The following DIPK2A variants were observed in gnomAD, a reference collection of about 807,000 sequenced individuals.
DIPK2A encodes the protein Golgi Protein of 49 kDa.
In DIPK2A, 27 loss-of-function variants were observed where a neutral mutation model predicts 39.0. That is an observed-to-expected ratio of 0.69 (90% CI 0.51 to 0.96). The LOEUF (loss-of-function observed/expected upper bound fraction) is 0.96. Ranked by LOEUF, DIPK2A falls within the 40% of genes least tolerant of loss-of-function variation. DIPK2A has a pLI of 0.00. For synonymous variants in DIPK2A, 298 were observed against 240.8 expected (o/e 1.24, Z -2.20); for missense variants, 528 against 571.3 (o/e 0.92, Z 0.77).
intron 1 of DIPK2A, among the ~76,000 whole-genome samples, chr3:143,981,747 A>G (rs1038837874): frequency 2.0e-5 from 3 of 152,222 alleles, no homozygotes; most frequent in Non-Finnish European, 2.9e-5. Context: ...TTTAACTTCA[A>G]CAAAAGGATA....
rs1184296524 is a variant in DIPK2A at position 143,972,328 on chromosome 3, G to A, written c.-5G>A. The A allele has an allele frequency of 3.7e-6, 5 of 1,352,024 alleles. No homozygotes were observed. Among genetic ancestry groups the A allele is most frequent in the Admixed American group, 3.7e-5 (1 of 26,692 alleles). 83.8% of individuals were successfully genotyped at this position (1,352,024 alleles called of 1,614,324 possible). A position where few individuals can be genotyped will look rare whatever the true frequency, so the allele number is the denominator to read the frequency against. ...TCGCCCTCCCGTTGCGGGCGGGCGG[G>A]CGGTATGTGGCGCCTGGTGCCCCCG... On this transcript the variant is annotated 5_prime_UTR_variant, in exon 1 of 3. Coordinates refer to ENST00000315691, the MANE Select transcript of DIPK2A (RefSeq NM_173552.5).
chr3:143,988,445 C>T (rs1368779169), intron 2 of DIPK2A, among the ~76,000 whole-genome samples: 3 of 152,128 alleles, frequency 2.0e-5, no homozygotes, highest in Non-Finnish European at 4.4e-5. Context: ...AATACCCCTC[C>T]ATCTATTGCC....
intron 1 of DIPK2A, among the ~76,000 whole-genome samples, chr3:143,979,033 A>C (rs1287198410): frequency 1.3e-5 from 2 of 152,274 alleles, no homozygotes; most frequent in East Asian, 1.9e-4. Flanking sequence ...AGCTTTTTAC[A>C]GTGTATTATT....
chr3:143,973,359 CAG>C, intron 1 of DIPK2A: 3 of 1,545,638 alleles, frequency 1.9e-6, no homozygotes, highest in Admixed American at 2.0e-5. Context: ...GTCCGCGGCG[CAG>C]ACTGTTCACG....
intron 1 of DIPK2A, chr3:143,973,287 T>C: frequency 2.7e-6 from 4 of 1,470,382 alleles, no homozygotes; most frequent in Non-Finnish European, 3.7e-6. Flanking sequence ...AAAATGTCTC[T>C]ACTGCGAGTT....
intron 1 of DIPK2A, among the ~76,000 whole-genome samples, chr3:143,980,285 T>G (rs73159901): frequency 2.3e-5 from 3 of 131,418 alleles, no homozygotes; most frequent in Non-Finnish European, 4.8e-5. Flanking sequence ...CTGTCTGTCT[T>G]TATTTTGATG....
chr3:143,977,677 G>C (rs1281810391), intron 1 of DIPK2A, among the ~76,000 whole-genome samples: 1 of 151,972 alleles, frequency 6.6e-6, no homozygotes. Context: ...CATTAGAGAT[G>C]GTTCTTAGTA....
At chr3:143,980,632 T>C (rs940821212) in intron 1 of DIPK2A, among the ~76,000 whole-genome samples, 17 of 64,512 alleles carry the variant, frequency 2.6e-4, no homozygotes, top group African/African-American at 1.1e-3. Context: ...AGCTTAAACT[T>C]TTTTTTTTTT....
At chr3:143,988,656 A>G (rs954367284) in intron 2 of DIPK2A, among the ~76,000 whole-genome samples, 3 of 152,194 alleles carry the variant, frequency 2.0e-5, no homozygotes, top group Non-Finnish European at 2.9e-5. Flanking sequence ...CCTCAAAATC[A>G]TAAGTTTCAA....
At chr3:143,978,847 A>C (rs1197880206) in intron 1 of DIPK2A, among the ~76,000 whole-genome samples, 1 of 151,672 alleles carries the variant, frequency 6.6e-6, no homozygotes, top group Non-Finnish European at 1.5e-5. Context: ...TCCATTTCAC[A>C]TTCTGTATTA....
At chr3:143,982,317 A>G (rs142725400) in intron 1 of DIPK2A, among the ~76,000 whole-genome samples, 1 of 152,166 alleles carries the variant, frequency 6.6e-6, no homozygotes, top group Non-Finnish European at 1.5e-5. Context: ...GTGCATGAAG[A>G]TAAGCATATC....
Position 143,972,654 on chromosome 3 carries a change from G to C in DIPK2A, c.322G>C (p.Val108Leu). 6.2e-7 allele frequency: 1 copy of C among 1,610,194 alleles called. No homozygotes were observed. Among genetic ancestry groups the C allele is most frequent in the East Asian group, 2.2e-5 (1 of 44,762 alleles). ...EPREGGRRRVVLKRLGSQREL... is the reference protein window; with the variant it reads ...EPREGGRRRVLLKRLGSQREL... ...CCGCGAGGGCGGCCGCCGCCGAGTG[G>C]TGCTCAAGCGCCTCGGCTCGCAGCG... is the stretch of plus-strand genomic sequence containing the variant. Residue 108 changes from valine (V) to leucine (L), a missense_variant, in exon 1 of 3, where the codon GTG (valine) becomes CTG (leucine). Coordinates refer to ENST00000315691, the MANE Select transcript of DIPK2A (RefSeq NM_173552.5).
At chr3:143,976,158 C>T (rs574053731) in intron 1 of DIPK2A, among the ~76,000 whole-genome samples, 15 of 152,088 alleles carry the variant, frequency 9.9e-5, no homozygotes, top group African/African-American at 3.6e-4. Flanking sequence ...GAGAGTATGG[C>T]TTTCTTCTTA....
intron 1 of DIPK2A, among the ~76,000 whole-genome samples, chr3:143,977,978 G>C (rs2087754179): frequency 6.6e-6 from 1 of 152,014 alleles, no homozygotes; most frequent in Admixed American, 6.6e-5. Flanking sequence ...TTTGAATTTT[G>C]TCCTTTGTAT....
intron 1 of DIPK2A, among the ~76,000 whole-genome samples, chr3:143,974,572 T>G (rs550187797): frequency 6.2e-4 from 94 of 152,338 alleles, no homozygotes; most frequent in Middle Eastern, 3.4e-3. Context: ...GGTTGGTTCT[T>G]GGAGATCGTG....
In DIPK2A at chr3:143,989,895, AACC is replaced by A; in HGVS notation, c.*59_*61del. 7.2e-7 allele frequency: 1 copy of A among 1,381,582 alleles called. No individual in the cohort carries two copies. Among genetic ancestry groups the A allele is most frequent in the Non-Finnish European group, 1.0e-6 (1 of 1,002,840 alleles). 85.6% of individuals were successfully genotyped at this position (1,381,582 alleles called of 1,614,324 possible). A position where few individuals can be genotyped will look rare whatever the true frequency, so the allele number is the denominator to read the frequency against. ...ATTTAAACAGCACTGGCTAAAACTA[AACC>A]ACCAAAAAACGATCTGAAAAAATGA... On this transcript the variant is annotated 3_prime_UTR_variant, in exon 3 of 3. Transcript: ENST00000315691.
In DIPK2A at chr3:143,972,533, C is replaced by T. The variant is rs989228978; in HGVS notation, c.201C>T (p.Phe67=). 6 of 1,611,970 alleles carry T rather than the reference C, an allele frequency of 3.7e-6. No individual in the cohort carries two copies. The highest frequency in any genetic ancestry group is 2.2e-5 in the South Asian group (2 of 91,014). ...ACFGTSWCRR[F]LNGQVVFEAW... is the part of the protein sequence containing the mutation. ...TCGGCACGAGCTGGTGCCGCCGCTT[C>T]CTCAACGGGCAGGTGGTATTCGAGG... Residue 67 remains phenylalanine, a synonymous_variant, in exon 1 of 3, where the codon TTC becomes TTT. Coordinates refer to ENST00000315691, the MANE Select transcript of DIPK2A (RefSeq NM_173552.5).
Position 143,991,538 on chromosome 3 carries a change from G to A in DIPK2A, c.*1697G>A, listed in dbSNP as rs888427807. 1 of 152,690 alleles carries A rather than the reference G, an allele frequency of 6.5e-6. No individual in the cohort carries two copies. Among genetic ancestry groups the A allele is most frequent in the Non-Finnish European group, 1.5e-5 (1 of 68,000 alleles). The allele number at this position is 152,690 out of a possible 1,614,324, so 9.5% of individuals were successfully genotyped here. On this transcript the variant is annotated 3_prime_UTR_variant, in exon 3 of 3. Transcript: ENST00000315691. The stretch of plus-strand genomic sequence containing the variant: ...GTTGCTATAAAAATAGGAGGATGAA[G>A]TCAATAAAGTTTATGCCAGTTTAAA...
intron 1 of DIPK2A, chr3:143,973,434 G>C: frequency 1.3e-6 from 2 of 1,551,024 alleles, no homozygotes; most frequent in East Asian, 4.9e-5. Flanking sequence ...TTCCTTTTCT[G>C]GCGCTGGTGG....
Sources: gnomAD v4.1 joint callset for allele counts (sites outside exome capture counted in the v4.1 genomes callset) on GRCh38, gnomAD v4.1.1 for gene constraint, MANE v1.5 for transcripts, NCBI Gene and HGNC (gene_info 2026-07-23, HGNC 2026-07-21) for gene names.